NTNG1: variants seen among roughly 807,000 people sequenced by gnomAD.
NTNG1 encodes the protein netrin-G1.
In NTNG1, 16 loss-of-function variants were observed where a neutral mutation model predicts 54.0. The ratio of observed to expected loss-of-function variants is 0.30; its 90% CI spans 0.20 to 0.45. NTNG1 has a LOEUF of 0.45. Among genes scored for constraint, NTNG1 ranks in the 20% least tolerant of loss-of-function variants. The probability of loss-of-function intolerance (pLI) is 1.00; values close to 1 mark genes in which losing one functional copy is unlikely to be tolerated. For missense variants in NTNG1, 530 were observed against 678.7 expected, an observed-to-expected ratio of 0.78 and a Z score of 2.43; for synonymous variants, 255 against 263.1, an observed-to-expected ratio of 0.97 and a Z score of 0.30.
At chr1:107,379,425 TG>T (rs1203923554) in intron 3 of NTNG1, among the ~76,000 whole-genome samples, 1 of 152,174 alleles carries the variant, frequency 6.6e-6, no homozygotes, top group Non-Finnish European at 1.5e-5. Context: ...TTCAAGCACC[TG>T]AAAGTTTAAA....
intron 2 of NTNG1, among the ~76,000 whole-genome samples, chr1:107,241,867 A>G (rs999013687): frequency 5.9e-5 from 9 of 152,090 alleles, no homozygotes; most frequent in African/African-American, 2.2e-4. Flanking sequence ...ACTTCTCGAG[A>G]AAAAAAATCT....
intron 5 of NTNG1, among the ~76,000 whole-genome samples, chr1:107,426,119 T>C (rs1018622925): frequency 4.6e-5 from 7 of 152,150 alleles, no homozygotes; most frequent in Non-Finnish European, 7.4e-5. Flanking sequence ...TCCCATTCTG[T>C]AGGTTGTCTG....
At chr1:107,448,176 A>G (rs552437985) in intron 7 of NTNG1, among the ~76,000 whole-genome samples, 13 of 152,226 alleles carry the variant, frequency 8.5e-5, no homozygotes, top group African/African-American at 3.1e-4. Context: ...AGAATTTGAT[A>G]TCTGAGCAGG....
chr1:107,169,477 G>A (rs1427998463), intron 2 of NTNG1, among the ~76,000 whole-genome samples: 2 of 152,150 alleles, frequency 1.3e-5, no homozygotes, highest in East Asian at 3.9e-4. Flanking sequence ...GGTCCTTAGA[G>A]CTCTCCTTCA....
chr1:107,406,740 C>A (rs1673450019), intron 4 of NTNG1, among the ~76,000 whole-genome samples: 1 of 152,138 alleles, frequency 6.6e-6, no homozygotes, highest in Admixed American at 6.6e-5. Context: ...TCAAGCAATA[C>A]TCTGAGTGAT....
At chr1:107,196,499 C>T (rs12125559) in intron 2 of NTNG1, among the ~76,000 whole-genome samples, 1 of 152,020 alleles carries the variant, frequency 6.6e-6, no homozygotes, top group African/African-American at 2.4e-5. Context: ...GAAAGTAGAT[C>T]GTGGGAAGTA....
At chr1:107,140,581 G>A (rs957251330), upstream of NTNG1, among the ~76,000 whole-genome samples, 2 of 152,026 alleles carry the variant, frequency 1.3e-5, no homozygotes, top group African/African-American at 4.8e-5. Flanking sequence ...GGAAACCCGG[G>A]CGAAATTGGT....
chr1:107,226,169 A>G (rs1033483447), intron 2 of NTNG1, among the ~76,000 whole-genome samples: 9 of 152,288 alleles, frequency 5.9e-5, no homozygotes, highest in Admixed American at 4.6e-4. Context: ...TGTAGCAAAA[A>G]CAAATGTAAT....
Position 107,484,804 on chromosome 1 carries a change from C to T in NTNG1, c.*3964C>T, listed in dbSNP as rs902631328. On this transcript the variant is annotated 3_prime_UTR_variant, in exon 8 of 8. Transcript: ENST00000370068. ...TCCAGTATGATTGGGATGTAAAGAC[C>T]CAGCATTCTGAAATGGGATGCTCTG... 3.3e-5 allele frequency among the ~76,000 whole-genome samples: 5 copies of T among 152,160 alleles called. No individual in the cohort carries two copies. Among genetic ancestry groups the T allele is most frequent in the African/African-American group, 1.2e-4 (5 of 41,432 alleles).
At chr1:107,231,070 G>C (rs980611343) in intron 2 of NTNG1, among the ~76,000 whole-genome samples, 2 of 152,160 alleles carry the variant, frequency 1.3e-5, no homozygotes, top group African/African-American at 4.8e-5. Flanking sequence ...GTATGATGAA[G>C]TACTTGACTG....
chr1:107,478,309 C>T (rs1678464537), intron 7 of NTNG1, among the ~76,000 whole-genome samples: 1 of 152,090 alleles, frequency 6.6e-6, no homozygotes. Flanking sequence ...TTATTTTTCT[C>T]TATTGATCTC....
At chr1:107,180,904 G>A (rs1657011480) in intron 2 of NTNG1, among the ~76,000 whole-genome samples, 1 of 152,024 alleles carries the variant, frequency 6.6e-6, no homozygotes, top group South Asian at 2.1e-4. Flanking sequence ...CTTATAGCAG[G>A]GAATTTACAA....
intron 7 of NTNG1, among the ~76,000 whole-genome samples, chr1:107,438,728 C>T (rs1221330324): frequency 1.3e-5 from 2 of 152,142 alleles, no homozygotes; most frequent in Non-Finnish European, 2.9e-5. Context: ...GTCAATCCTG[C>T]TTTGGGAAAA....
At chr1:107,348,657 A>T (rs1669413481) in intron 3 of NTNG1, among the ~76,000 whole-genome samples, 2 of 152,136 alleles carry the variant, frequency 1.3e-5, no homozygotes, top group African/African-American at 2.4e-5. Flanking sequence ...TTAGTAAATT[A>T]ATTCAAATAA....
At chr1:107,168,595 A>C (rs1655986382) in intron 2 of NTNG1, among the ~76,000 whole-genome samples, 1 of 152,112 alleles carries the variant, frequency 6.6e-6, no homozygotes, top group African/African-American at 2.4e-5. Flanking sequence ...AATAAACCCA[A>C]TAGTAAATCT....
chr1:107,419,921 A>C lies in NTNG1; in HGVS notation c.1088-10829A>C, dbSNP rs144402412. ...AATGAATTTTTTCAAGTTTCTGCAT[A>C]CATATATGAAAGAAGAAATACAGAT... On this transcript the variant is annotated intron_variant, in intron 5 of 7. Coordinates refer to ENST00000370068, the MANE Select transcript of NTNG1 (RefSeq NM_001113226.3). Among the ~76,000 whole-genome samples the C allele has an allele frequency of 4.3e-3, 647 of 152,214 alleles. 6 individuals carry two copies. Among genetic ancestry groups the C allele is most frequent in the African/African-American group, 0.015 (620 of 41,562 alleles).
intron 3 of NTNG1, among the ~76,000 whole-genome samples, chr1:107,342,995 T>C (rs565489575): frequency 6.6e-6 from 1 of 152,186 alleles, no homozygotes; most frequent in South Asian, 2.1e-4. Flanking sequence ...ATATCATGGG[T>C]ATCATCAGTG....
intron 7 of NTNG1, among the ~76,000 whole-genome samples, chr1:107,464,928 G>A (rs553140031): frequency 1.3e-5 from 2 of 152,072 alleles, no homozygotes; most frequent in Admixed American, 6.6e-5. Flanking sequence ...TGGGCCCCAC[G>A]TCTCTCCATA....
chr1:107,462,370 G>A (rs1197198019), intron 7 of NTNG1, among the ~76,000 whole-genome samples: 1 of 152,156 alleles, frequency 6.6e-6, no homozygotes, highest in Admixed American at 6.5e-5. Flanking sequence ...TGACCTTAGA[G>A]AGACTATTTA....
Sources: gnomAD v4.1 joint callset for allele counts (sites outside exome capture counted in the v4.1 genomes callset) on GRCh38, gnomAD v4.1.1 for gene constraint, MANE v1.5 for transcripts, NCBI Gene and HGNC (gene_info 2026-07-23, HGNC 2026-07-21) for gene names.